The following NEK11 variants were observed in gnomAD, a reference collection of about 807,000 sequenced individuals.
NEK11 encodes NIMA related kinase 11.
A neutral mutation model predicts 80.7 loss-of-function variants in NEK11; 72 were observed. That is an observed-to-expected ratio of 0.89 (90% CI 0.74 to 1.08). The LOEUF is 1.08. Among genes scored for constraint, NEK11 ranks in the 50% least tolerant of loss-of-function variants. The pLI is 0.00. For missense variants in NEK11, 764 were observed against 763.6 expected, an observed-to-expected ratio of 1.00 and a Z score of -0.01; for synonymous variants, 251 against 260.7, an observed-to-expected ratio of 0.96 and a Z score of 0.36.
At chr3:131,253,056 T>G (rs1288384070) in intron 16 of NEK11, among the ~76,000 whole-genome samples, 1 of 152,154 alleles carries the variant, frequency 6.6e-6, no homozygotes, top group Non-Finnish European at 1.5e-5. Flanking sequence ...AGAAGTGGTA[T>G]TGTATTTCTG....
intron 5 of NEK11, among the ~76,000 whole-genome samples, chr3:131,126,288 C>T (rs1185089410): frequency 6.6e-6 from 1 of 152,198 alleles, no homozygotes; most frequent in Admixed American, 6.5e-5. Context: ...ACCACTTCTT[C>T]TTCCACCCCA....
At chr3:131,146,149 A>G (rs2088195847) in intron 7 of NEK11, among the ~76,000 whole-genome samples, 3 of 152,040 alleles carry the variant, frequency 2.0e-5, no homozygotes, top group Admixed American at 1.3e-4. Flanking sequence ...CTTGTCCTCA[A>G]GGAGACCCTA....
At chr3:131,207,684 T>G (rs190906126) in intron 14 of NEK11, among the ~76,000 whole-genome samples, 74 of 152,340 alleles carry the variant, frequency 4.9e-4, no homozygotes, top group African/African-American at 1.8e-3. Flanking sequence ...GGTATTTCAT[T>G]GTGGTTTTGA....
intron 17 of NEK11, among the ~76,000 whole-genome samples, chr3:131,312,013 A>G (rs1172521815): frequency 6.6e-6 from 1 of 152,242 alleles, no homozygotes; most frequent in East Asian, 1.9e-4. Flanking sequence ...TATATATAGA[A>G]AAGCTCGGAA....
intron 7 of NEK11, among the ~76,000 whole-genome samples, chr3:131,145,366 A>C (rs1340659784): frequency 6.6e-6 from 1 of 152,076 alleles, no homozygotes; most frequent in Non-Finnish European, 1.5e-5. Flanking sequence ...CCATCAAACC[A>C]GAAAGGTGAT....
At chr3:131,335,583 C>T (rs1312619452) in intron 17 of NEK11, among the ~76,000 whole-genome samples, 1 of 152,148 alleles carries the variant, frequency 6.6e-6, no homozygotes, top group African/African-American at 2.4e-5. Context: ...TCTCTCACCA[C>T]TCCTATTCAA....
intron 17 of NEK11, among the ~76,000 whole-genome samples, chr3:131,338,560 T>G (rs1413963781): frequency 2.0e-5 from 3 of 152,162 alleles, no homozygotes; most frequent in Non-Finnish European, 4.4e-5. Flanking sequence ...TATAGCAACT[T>G]TATTCACAAT....
chr3:131,332,847 G>C (rs1422786518), intron 17 of NEK11, among the ~76,000 whole-genome samples: 1 of 152,164 alleles, frequency 6.6e-6, no homozygotes, highest in Non-Finnish European at 1.5e-5. Flanking sequence ...CGATGCAATC[G>C]ACTGGAAGAA....
intron 14 of NEK11, among the ~76,000 whole-genome samples, chr3:131,202,294 C>T (rs950083322): frequency 3.3e-5 from 5 of 152,128 alleles, no homozygotes; most frequent in African/African-American, 1.2e-4. Flanking sequence ...GGCAGGGCAT[C>T]ACCACACCTG....
intron 11 of NEK11, among the ~76,000 whole-genome samples, chr3:131,164,935 C>T (rs1001870778): frequency 7.9e-5 from 12 of 152,160 alleles, no homozygotes; most frequent in African/African-American, 2.7e-4. Context: ...AGTAGCAGGT[C>T]GCTTAAACTC....
At chr3:131,083,219 A>G (rs1194932328) in intron 4 of NEK11, among the ~76,000 whole-genome samples, 2 of 152,386 alleles carry the variant, frequency 1.3e-5, no homozygotes, top group Non-Finnish European at 2.9e-5. Flanking sequence ...TGTCTGAATT[A>G]CATTCTTAGA....
At chr3:131,136,325 A>G (rs1294093209) in intron 7 of NEK11, among the ~76,000 whole-genome samples, 1 of 152,188 alleles carries the variant, frequency 6.6e-6, no homozygotes. Flanking sequence ...ACTATTAATT[A>G]TAGTGTCAGA....
intron 14 of NEK11, among the ~76,000 whole-genome samples, chr3:131,218,060 A>C (rs532944025): frequency 2.3e-4 from 35 of 152,380 alleles, no homozygotes; most frequent in Non-Finnish European, 3.4e-4. Context: ...GATTAAAGTT[A>C]TAATATTAAA....
At chr3:131,103,552 G>A (rs534822537) in intron 4 of NEK11, among the ~76,000 whole-genome samples, 1 of 152,300 alleles carries the variant, frequency 6.6e-6, no homozygotes, top group South Asian at 2.1e-4. Context: ...CCACTTGCAA[G>A]CTTGCTCTGT....
chr3:131,112,759 C>T (rs1238572346), intron 5 of NEK11, among the ~76,000 whole-genome samples: 1 of 152,122 alleles, frequency 6.6e-6, no homozygotes, highest in African/African-American at 2.4e-5. Context: ...ATATAGGGAA[C>T]AGAGCACAGC....
At chr3:131,337,942 AT>A (rs1250150773) in intron 17 of NEK11, among the ~76,000 whole-genome samples, 1 of 151,848 alleles carries the variant, frequency 6.6e-6, no homozygotes, top group Non-Finnish European at 1.5e-5. Flanking sequence ...CTTGGCATAA[AT>A]TTTTTTTCTT....
intron 5 of NEK11, among the ~76,000 whole-genome samples, chr3:131,122,519 G>C (rs977396793): frequency 2.6e-5 from 4 of 152,246 alleles, no homozygotes; most frequent in African/African-American, 9.6e-5. Flanking sequence ...CAGTGCCCAG[G>C]ACAGGGGCCA....
chr3:131,123,038 A>T (rs1169245726), intron 5 of NEK11, among the ~76,000 whole-genome samples: 1 of 152,198 alleles, frequency 6.6e-6, no homozygotes, highest in African/African-American at 2.4e-5. Flanking sequence ...TATAAACTTT[A>T]TTGCCTGTTA....
At chr3:131,148,067 T>A (rs1210664290) in intron 7 of NEK11, among the ~76,000 whole-genome samples, 1 of 151,916 alleles carries the variant, frequency 6.6e-6, no homozygotes, top group Non-Finnish European at 1.5e-5. Context: ...TTCTTCTTTT[T>A]AAAAATATAA....
Sources: allele counts gnomAD v4.1 joint callset (sites outside exome capture counted in the v4.1 genomes callset), GRCh38; gene constraint gnomAD v4.1.1; transcripts MANE v1.5; gene names NCBI Gene and HGNC (gene_info 2026-07-23, HGNC 2026-07-21).